Variants in C12orf56 observed in about 807,000 individuals in gnomAD.
C12orf56 encodes uncharacterized protein C12orf56.
C12orf56 carries 71 observed loss-of-function variants against 69.9 expected under a neutral mutation model. The observed-to-expected ratio is 1.02, with a 90% CI of 0.84 to 1.24. The LOEUF (loss-of-function observed/expected upper bound fraction) is 1.24, where lower values mean the gene tolerates loss of function less well. C12orf56 is among the 50% of genes most tolerant of loss of function. The pLI is 0.00. For missense variants in C12orf56, 732 were observed against 738.5 expected (o/e 0.99, Z 0.10); for synonymous variants, 276 against 274.1 (o/e 1.01, Z -0.07).
chr12:64,359,620 T>C (rs1047150524), intron 1 of C12orf56, among the ~76,000 whole-genome samples: 6 of 152,210 alleles, frequency 3.9e-5, no homozygotes, highest in African/African-American at 1.2e-4. Flanking sequence ...AAGAGTTTTC[T>C]AAAAGCTTTT....
rs1380558627 is a variant in C12orf56, at chr12:64,318,860, C to T, written c.609G>A (p.Arg203=). The T allele has an allele frequency of 3.9e-6, 6 of 1,537,028 alleles. No homozygotes were observed. Among genetic ancestry groups the T allele is most frequent in the African/African-American group, 2.7e-5 (2 of 72,998 alleles). ...AFRPLPSPSR[R]SSQSAPTTGK... The stretch of plus-strand genomic sequence containing the variant: ...CAGTTGTTGGTGCAGACTGAGAGCT[C>T]CTCCTGGAGGGGGAAGGTAGGGGTC... Residue 203 remains arginine, a synonymous_variant, in exon 4 of 13, where the codon AGG becomes AGA. Transcript: ENST00000543942.
intron 2 of C12orf56, among the ~76,000 whole-genome samples, chr12:64,334,901 A>C (rs564996090): frequency 6.6e-6 from 1 of 152,284 alleles, no homozygotes; most frequent in Non-Finnish European, 1.5e-5. Context: ...ATTTGAAAAC[A>C]CTAGTTACCT....
At chr12:64,330,915 G>A (rs1184630700) in intron 3 of C12orf56, 45 bp downstream of exon 3, 2 of 1,434,890 alleles carry the variant, frequency 1.4e-6, no homozygotes, top group Admixed American at 2.5e-5. Context: ...ATGTAAAAAT[G>A]TTTTGGTTAG....
chr12:64,274,958 T>A lies in C12orf56; in HGVS notation c.1527A>T (p.Gly509=). ...TCCAGCTAATAGCAAACTTTGTGGA[T>A]CCCAATCCGAGATTTCCCTAAAAGA... ...LVFQQGNLGL[G]STKFAISWIM... Residue 509 remains glycine, a synonymous_variant, in exon 11 of 13, where the codon GGA becomes GGT. Transcript: ENST00000543942. 6.2e-7 allele frequency: 1 copy of A among 1,611,786 alleles called. No homozygotes were observed. The highest frequency in any genetic ancestry group is 1.1e-5 in the South Asian group (1 of 91,000).
At chr12:64,331,604 G>C (rs2038931031) in intron 2 of C12orf56, among the ~76,000 whole-genome samples, 1 of 152,142 alleles carries the variant, frequency 6.6e-6, no homozygotes, top group African/African-American at 2.4e-5. Context: ...CCTTATAAAA[G>C]GTTGACGGGA....
intron 1 of C12orf56, among the ~76,000 whole-genome samples, chr12:64,366,774 T>G (rs1447077527): frequency 6.4e-4 from 21 of 32,808 alleles, no homozygotes; most frequent in African/African-American, 2.8e-3. Context: ...ACAGTTTATA[T>G]ATATTATATA....
chr12:64,390,746 C>T lies in C12orf56; in HGVS notation c.-181G>A, dbSNP rs1170670152. 1 of 774,406 alleles carries T rather than the reference C, an allele frequency of 1.3e-6. No individual in the cohort carries two copies. Among genetic ancestry groups the T allele is most frequent in the Admixed American group, 4.1e-5 (1 of 24,504 alleles). 48.0% of individuals were successfully genotyped at this position (774,406 alleles called of 1,614,324 possible). On this transcript the variant is annotated 5_prime_UTR_variant, in exon 1 of 13. Coordinates refer to ENST00000543942, the MANE Select transcript of C12orf56 (RefSeq NM_001170633.2). ...CGCTAGGTCGGCTTCCCTGGAGCGC[C>T]CTCCCCAGCCCTGTCCAGCCTCTCG...
At chr12:64,270,512 T>C in intron 12 of C12orf56, 24 bp downstream of exon 12, 1 of 1,482,462 alleles carries the variant, frequency 6.7e-7, no homozygotes. Flanking sequence ...TTACTGCAGA[T>C]TAGATTCAGA....
In C12orf56 at chr12:64,390,519, C is replaced by G. The variant is rs374883655; in HGVS notation, c.47G>C (p.Arg16Pro). Reference protein sequence around the residue: ...PSGFPARRNSRLDVFLRRHLP... With the variant: ...PSGFPARRNSPLDVFLRRHLP... ...ATGCCGCCGCAGGAACACATCCAGG[C>G]GGCTGTTCCTGCGCGCGGGGAAGCC... is the stretch of plus-strand genomic sequence containing the variant. Residue 16 changes from arginine to proline, a missense_variant, in exon 1 of 13, where the codon CGC becomes CCC. Physicochemically the swap from Arg to Pro is moderately radical, Grantham distance 103 (BLOSUM62 -2). Transcript: ENST00000543942. 5.6e-6 allele frequency: 9 copies of G among 1,598,304 alleles called. No individual in the cohort carries two copies. In the African/African-American group the frequency reaches 1.2e-4, roughly 21 times the overall value.
In C12orf56 at chr12:64,330,960, C is replaced by A; in HGVS notation, c.488G>T (p.Arg163Met). ...CACATACTCCAAACAACAATCTCAC[C>A]TGAGAGGAGATTCTTTCAGACTTCT... ...ESRSLKESPL[R>M]DQQESSTPSK... Residue 163 changes from arginine to methionine, a missense_variant and splice_region_variant, in exon 3 of 13, where the codon AGG becomes ATG. Transcript: ENST00000543942. 6.4e-7 allele frequency: 1 copy of A among 1,551,784 alleles called. No individual in the cohort carries two copies. Among genetic ancestry groups the A allele is most frequent in the South Asian group, 1.2e-5 (1 of 83,334 alleles).
At chr12:64,298,172 T>A (rs1417974367) in intron 6 of C12orf56, among the ~76,000 whole-genome samples, 3 of 152,108 alleles carry the variant, frequency 2.0e-5, no homozygotes, top group Non-Finnish European at 4.4e-5. Flanking sequence ...GTTGGCTGCA[T>A]AAATGTCTTC....
chr12:64,308,333 A>G (rs2038543390), intron 5 of C12orf56, among the ~76,000 whole-genome samples: 1 of 152,174 alleles, frequency 6.6e-6, no homozygotes, highest in Admixed American at 6.5e-5. Flanking sequence ...ATAAATACAT[A>G]CATACATACA....
At chr12:64,374,969 T>C (rs555473845) in intron 1 of C12orf56, among the ~76,000 whole-genome samples, 63 of 152,338 alleles carry the variant, frequency 4.1e-4, no homozygotes, top group African/African-American at 1.4e-3. Flanking sequence ...GAATACGTTC[T>C]TAAATAAATG....
intron 11 of C12orf56, among the ~76,000 whole-genome samples, chr12:64,274,453 A>G (rs2038026270): frequency 6.6e-6 from 1 of 152,188 alleles, no homozygotes; most frequent in East Asian, 1.9e-4. Context: ...TCAGCCTGTA[A>G]TCTGGTGGGA....
chr12:64,365,614 A>G (rs2039456300), intron 1 of C12orf56, among the ~76,000 whole-genome samples: 1 of 150,210 alleles, frequency 6.7e-6, no homozygotes, highest in African/African-American at 2.4e-5. Context: ...ACAAAATACA[A>G]AACAGCAGGG....
chr12:64,365,012 G>A (rs149692661), intron 1 of C12orf56, among the ~76,000 whole-genome samples: 151 of 151,922 alleles, frequency 9.9e-4, no homozygotes, highest in African/African-American at 3.4e-3. Context: ...ATGAAGATGG[G>A]GAAAGGAAAA....
chr12:64,303,650 T>A lies in C12orf56; in HGVS notation c.1098A>T (p.Lys366Asn). The change falls in exon 6 of 13, where the codon AAA becomes AAT. Residue 366 changes from lysine to asparagine, a missense_variant. Coordinates refer to ENST00000543942, the MANE Select transcript of C12orf56 (RefSeq NM_001170633.2). Reference protein sequence around the residue: ...KVAAQKNFILKRLFWKTSDLF... With the variant: ...KVAAQKNFILNRLFWKTSDLF... ...AAACACTTACCTTCCAGAAAAGCCT[T>A]TTCAGAATGAAGTTTTTCTGGGCTG... The A allele has an allele frequency of 6.4e-7, 1 of 1,557,700 alleles. No homozygotes were observed. The highest frequency in any genetic ancestry group is 1.7e-4 in the Middle Eastern group (1 of 5,924).
intron 3 of C12orf56, among the ~76,000 whole-genome samples, chr12:64,330,253 T>C (rs1306087833): frequency 6.6e-6 from 1 of 152,240 alleles, no homozygotes; most frequent in Admixed American, 6.5e-5. Context: ...TCCTGTGAAA[T>C]GAAATGTAAA....
Position 64,361,606 on chromosome 12 carries a change from A to C in C12orf56, c.253-8550T>G, listed in dbSNP as rs369920795. Among the ~76,000 whole-genome samples the C allele has an allele frequency of 3.3e-5, 5 of 152,240 alleles. No homozygotes were observed. In the East Asian group the frequency reaches 7.7e-4, roughly 23 times the overall value. On this transcript the variant is annotated intron_variant, in intron 1 of 12. Transcript: ENST00000543942. ...CCAACCTCAGAAAGTTACCCTATAT[A>C]GTCTTAAAAAGGGAGGAATGAAAAA...
Sources: allele counts gnomAD v4.1 joint callset (sites outside exome capture counted in the v4.1 genomes callset), GRCh38; gene constraint gnomAD v4.1.1; transcripts MANE v1.5; gene names NCBI Gene and HGNC (gene_info 2026-07-23, HGNC 2026-07-21).